ASTN2: variants seen among roughly 807,000 people sequenced by gnomAD.
The protein encoded by ASTN2 is astrotactin-2.
ASTN2 carries 54 observed loss-of-function variants against 139.8 expected under a neutral mutation model. The observed-to-expected ratio is 0.39, with a 90% CI of 0.31 to 0.48. The LOEUF (loss-of-function observed/expected upper bound fraction) is 0.48, where lower values mean the gene tolerates loss of function less well. ASTN2 is among the 20% of genes least tolerant of loss of function. ASTN2 has a pLI of 0.95. For missense variants in ASTN2, 1,565 were observed against 1,725.1 expected (o/e 0.91, Z 1.64); for synonymous variants, 756 against 719.5 (o/e 1.05, Z -0.81).
chr9:117,316,266 C>T (rs1828141794), intron 1 of ASTN2, among the ~76,000 whole-genome samples: 1 of 152,192 alleles, frequency 6.6e-6, no homozygotes, highest in African/African-American at 2.4e-5. Flanking sequence ...AGTAAGTCAG[C>T]TCCTGGTCTG....
At chr9:116,437,737 C>G (rs539695245) in intron 22 of ASTN2, 17 of 374,716 alleles carry the variant, frequency 4.5e-5, no homozygotes, top group African/African-American at 2.1e-4. Context: ...CGGCTTTCAT[C>G]TGGGGCTCTT....
At chr9:116,901,090 T>TTGTGTGTG (rs59919446) in intron 10 of ASTN2, among the ~76,000 whole-genome samples, 153 of 149,638 alleles carry the variant, frequency 1.0e-3, no homozygotes, top group Non-Finnish European at 7.0e-4. Context: ...CGGCTACTGA[T>TTGTGTGTG]TGTGTGTGTG....
chr9:116,477,808 C>T (rs1202867178), intron 20 of ASTN2, among the ~76,000 whole-genome samples: 1 of 140,926 alleles, frequency 7.1e-6, no homozygotes, highest in Non-Finnish European at 1.5e-5. Context: ...ATGGCTTGAG[C>T]TCAGAAGTTC....
chr9:116,975,790 T>C (rs1421433595), intron 9 of ASTN2, among the ~76,000 whole-genome samples: 1 of 152,198 alleles, frequency 6.6e-6, no homozygotes, highest in Non-Finnish European at 1.5e-5. Context: ...ACATGTTCAT[T>C]GAAGTTTTAC....
At chr9:117,254,747 G>T (rs1833637764) in intron 2 of ASTN2, among the ~76,000 whole-genome samples, 1 of 151,630 alleles carries the variant, frequency 6.6e-6, no homozygotes, top group South Asian at 2.1e-4. Context: ...TTCCATTCTG[G>T]TTTATTCTAT....
chr9:116,926,237 C>T (rs1377036084), intron 10 of ASTN2, among the ~76,000 whole-genome samples: 1 of 152,168 alleles, frequency 6.6e-6, no homozygotes. Context: ...GCTGTAACCT[C>T]TTTCTCATCA....
chr9:116,598,229 G>A (rs4836774), intron 19 of ASTN2, among the ~76,000 whole-genome samples: 20,570 of 152,170 alleles, frequency 0.14, 1,501 homozygotes, highest in Middle Eastern at 0.19. Context: ...CAGGAAAAGG[G>A]AAGTTAAAAG....
At chr9:117,385,465 G>A (rs896469797) in intron 1 of ASTN2, among the ~76,000 whole-genome samples, 1 of 152,200 alleles carries the variant, frequency 6.6e-6, no homozygotes, top group African/African-American at 2.4e-5. Context: ...GGGAGGCAAG[G>A]GGAGGGGAAG....
intron 17 of ASTN2, among the ~76,000 whole-genome samples, chr9:116,644,623 T>C (rs1857500331): frequency 1.3e-5 from 2 of 152,160 alleles, no homozygotes; most frequent in Admixed American, 6.6e-5. Flanking sequence ...ATCTGTAAAA[T>C]AAAGAGGTTG....
intron 20 of ASTN2, among the ~76,000 whole-genome samples, chr9:116,458,873 C>T (rs1848406150): frequency 6.6e-6 from 1 of 151,856 alleles, no homozygotes; most frequent in Non-Finnish European, 1.5e-5. Context: ...ATTAAAATAT[C>T]CGATGATTTG....
At chr9:117,180,906 A>G in intron 3 of ASTN2, 4 of 1,591,662 alleles carry the variant, frequency 2.5e-6, no homozygotes, top group Non-Finnish European at 3.4e-6. Flanking sequence ...CCTCAATTAC[A>G]TGCTCCTTGT....
intron 20 of ASTN2, among the ~76,000 whole-genome samples, chr9:116,450,111 G>A (rs1848130001): frequency 6.6e-6 from 1 of 152,196 alleles, no homozygotes; most frequent in Non-Finnish European, 1.5e-5. Flanking sequence ...AGCATTGCAA[G>A]CAGGATCAGC....
chr9:117,341,680 A>G (rs1014470676), intron 1 of ASTN2, among the ~76,000 whole-genome samples: 2 of 152,174 alleles, frequency 1.3e-5, no homozygotes, highest in African/African-American at 2.4e-5. Context: ...TAAAGTGCAT[A>G]GGAGGATACA....
intron 5 of ASTN2, among the ~76,000 whole-genome samples, chr9:117,047,269 G>A (rs1838774653): frequency 6.6e-6 from 1 of 152,026 alleles, no homozygotes; most frequent in Admixed American, 6.6e-5. Context: ...TTATATCAGG[G>A]GTTTCCATGC....
chr9:116,930,293 T>C (rs567892652), intron 10 of ASTN2, among the ~76,000 whole-genome samples: 9 of 152,294 alleles, frequency 5.9e-5, no homozygotes, highest in African/African-American at 1.2e-4. Context: ...GAGGTGCCTA[T>C]TGAGCAGTCA....
intron 17 of ASTN2, among the ~76,000 whole-genome samples, chr9:116,628,415 T>C (rs1213602732): frequency 4.6e-5 from 7 of 152,188 alleles, no homozygotes; most frequent in Non-Finnish European, 8.8e-5. Flanking sequence ...TTCTGATCAC[T>C]TTCTCACTTA....
chr9:116,788,074 A>G (rs1034865536), intron 13 of ASTN2, among the ~76,000 whole-genome samples: 1 of 152,206 alleles, frequency 6.6e-6, no homozygotes, highest in Non-Finnish European at 1.5e-5. Context: ...CAGAAAGACA[A>G]ATACTGCATG....
At chr9:116,959,258 A>G (rs1432979791) in intron 10 of ASTN2, among the ~76,000 whole-genome samples, 1 of 152,186 alleles carries the variant, frequency 6.6e-6, no homozygotes, top group African/African-American at 2.4e-5. Context: ...AAACGTAGCC[A>G]GATAAAGTGG....
chr9:116,947,922 G>A (rs1276189632), intron 10 of ASTN2, among the ~76,000 whole-genome samples: 2 of 151,668 alleles, frequency 1.3e-5, no homozygotes, highest in Non-Finnish European at 2.9e-5. Context: ...GTTTTAATAG[G>A]TAATGTCTTT....
Sources: gnomAD v4.1 joint callset for allele counts (sites outside exome capture counted in the v4.1 genomes callset) on GRCh38, gnomAD v4.1.1 for gene constraint, MANE v1.5 for transcripts, NCBI Gene and HGNC (gene_info 2026-07-23, HGNC 2026-07-21) for gene names.